Variants in OGDHL observed in about 807,000 individuals in gnomAD.
The protein encoded by OGDHL is oxoglutarate dehydrogenase L.
OGDHL carries 79 observed loss-of-function variants against 109.6 expected under a neutral mutation model. The ratio of observed to expected loss-of-function variants is 0.72; its 90% CI spans 0.60 to 0.87. OGDHL has a LOEUF of 0.87. OGDHL is among the 40% of genes least tolerant of loss of function. The pLI is 0.00. For synonymous variants in OGDHL, 528 were observed against 537.2 expected (o/e 0.98, Z 0.24); for missense variants, 1,275 against 1,362.2 (o/e 0.94, Z 1.01).
At chr10:49,738,163 C>T (rs766758589) in intron 18 of OGDHL, 28 bp downstream of exon 18, 10 of 1,614,156 alleles carry the variant, frequency 6.2e-6, no homozygotes, top group Non-Finnish European at 8.5e-6. Context: ...GGGCGCGTCC[C>T]TGTCCTGGGG....
intron 20 of OGDHL, among the ~76,000 whole-genome samples, chr10:49,737,216 C>T (rs577205277): frequency 1.3e-5 from 2 of 152,252 alleles, no homozygotes; most frequent in East Asian, 1.9e-4. Context: ...GACATCCAAA[C>T]ACACATGGGA....
intron 1 of OGDHL, among the ~76,000 whole-genome samples, chr10:49,761,614 G>C (rs978767139): frequency 6.6e-6 from 1 of 152,194 alleles, no homozygotes. Flanking sequence ...CCAGGTGGCC[G>C]AGGGGCGTCA....
intron 13 of OGDHL, 70 bp downstream of exon 13, chr10:49,744,580 C>A: frequency 8.1e-7 from 1 of 1,239,828 alleles, no homozygotes; most frequent in South Asian, 1.2e-5. Context: ...CAGGGCCATT[C>A]CAGTCCTGAT....
chr10:49,752,277 G>T, intron 4 of OGDHL, 29 bp from the exon 5 acceptor site: 1 of 1,575,578 alleles, frequency 6.3e-7, no homozygotes, highest in Non-Finnish European at 8.7e-7. Flanking sequence ...CCGAGCCCCG[G>T]GCAGCAAAGT....
intron 7 of OGDHL, among the ~76,000 whole-genome samples, chr10:49,750,313 T>G (rs953372264): frequency 2.6e-4 from 39 of 152,178 alleles, no homozygotes; most frequent in African/African-American, 9.4e-4. Flanking sequence ...TTCCCCCTCC[T>G]GCTTCCCCAC....
chr10:49,736,159 C>G lies in OGDHL; in HGVS notation c.2773G>C (p.Asp925His), dbSNP rs757470245. 1 of 1,600,738 alleles carries G rather than the reference C, an allele frequency of 6.2e-7. No homozygotes were observed. The highest frequency in any genetic ancestry group is 8.5e-7 in the Non-Finnish European group (1 of 1,173,614). ...RLEQISPFPFDLIKQEAEKYP... is the reference protein window; with the variant it reads ...RLEQISPFPFHLIKQEAEKYP... ...TTCTCTGCCTCCTGCTTGATCAGGT[C>G]GAAGGGGAATGGAGAGATCTGGGGA... The change falls in exon 22 of 23, where the codon GAC (aspartate) becomes CAC (histidine). Residue 925 changes from aspartate to histidine, a missense_variant. Transcript: ENST00000374103.
At position 49,758,494 on chromosome 10, in the gene OGDHL, G is replaced by A; in HGVS notation, c.99C>T (p.Ser33=). Residue 33 remains serine (S), a synonymous_variant, in exon 2 of 23, where the codon TCC becomes TCT. Coordinates refer to ENST00000374103, the MANE Select transcript of OGDHL (RefSeq NM_018245.3). ...DVPVFGWRSR[S]SGPPATFPSS... The stretch of plus-strand genomic sequence containing the variant: ...TTGGGAAGGTGGCCGGTGGCCCGGA[G>A]GACCTGCTGCGCCAGCCAAACACCG... 6.2e-7 allele frequency: 1 copy of A among 1,613,908 alleles called. No homozygotes were observed. The highest frequency in any genetic ancestry group is 8.5e-7 in the Non-Finnish European group (1 of 1,180,044).
chr10:49,746,915 C>T (rs374810816), intron 9 of OGDHL, 37 bp from the exon 10 acceptor site: 5 of 1,613,290 alleles, frequency 3.1e-6, no homozygotes, highest in African/African-American at 1.3e-5. Flanking sequence ...GGCTGCGTGC[C>T]CCAGCCCATG....
intron 8 of OGDHL, among the ~76,000 whole-genome samples, chr10:49,748,344 G>C (rs1407280737): frequency 6.6e-6 from 1 of 152,208 alleles, no homozygotes; most frequent in Non-Finnish European, 1.5e-5. Flanking sequence ...TAGAAATAAG[G>C]TTGCACTGGA....
chr10:49,742,805 A>C (rs1341776224), intron 15 of OGDHL, 23 bp downstream of exon 15: 1 of 1,605,392 alleles, frequency 6.2e-7, no homozygotes, highest in East Asian at 2.2e-5. Flanking sequence ...TCCTGTGCGG[A>C]TGCTGAGCCC....
At position 49,747,205 on chromosome 10, in the gene OGDHL, A is replaced by G. The variant is rs756574447; in HGVS notation, c.991T>C (p.Ser331Pro). Reference sequence around the variant, plus strand: ...CCCAGGTGGTACTTGACATCCCCGGAGCCCTGAAGGTGGAGATGGGAACAT... The same window carrying G: ...CCCAGGTGGTACTTGACATCCCCGGGGCCCTGAAGGTGGAGATGGGAACAT... Reference protein sequence around the residue: ...DPKLEAADEGSGDVKYHLGMY... With the variant: ...DPKLEAADEGPGDVKYHLGMY... The change falls in exon 9 of 23, where the codon TCC (serine) becomes CCC (proline). Residue 331 changes from serine to proline, a missense_variant. Transcript: ENST00000374103. The G allele has an allele frequency of 1.9e-6, 3 of 1,613,910 alleles. No individual in the cohort carries two copies. Among genetic ancestry groups the G allele is most frequent in the Non-Finnish European group, 2.5e-6 (3 of 1,179,844 alleles).
At chr10:49,762,205 C>G (rs1843339158) in intron 1 of OGDHL, 34 bp downstream of exon 1, 1 of 152,624 alleles carries the variant, frequency 6.6e-6, no homozygotes, top group African/African-American at 2.4e-5. Flanking sequence ...AGCAGCGGCG[C>G]AGGGACCGGG....
intron 14 of OGDHL, chr10:49,743,563 C>T (rs886821511): frequency 2.9e-5 from 5 of 170,202 alleles, no homozygotes; most frequent in Admixed American, 2.9e-4. Flanking sequence ...TAGTCTCACC[C>T]CGGAGTGGGG....
At chr10:49,746,120 GAGC>G in intron 10 of OGDHL, 143 bp from the exon 11 acceptor site, 2 of 893,518 alleles carry the variant, frequency 2.2e-6, no homozygotes, top group Non-Finnish European at 3.3e-6. Flanking sequence ...GGGTGATGGT[GAGC>G]AGCCCCACAA....
intron 11 of OGDHL, 91 bp downstream of exon 11, chr10:49,745,707 C>G: frequency 6.8e-7 from 1 of 1,465,772 alleles, no homozygotes. Flanking sequence ...CACTCCCAGC[C>G]CTGAGTGCTG....
chr10:49,756,150 G>A (rs534316040), intron 3 of OGDHL, among the ~76,000 whole-genome samples: 21 of 152,310 alleles, frequency 1.4e-4, no homozygotes, highest in African/African-American at 2.9e-4. Context: ...TTTCCCTGAC[G>A]GAATACCTCC....
intron 15 of OGDHL, among the ~76,000 whole-genome samples, chr10:49,741,951 C>T (rs1252042043): frequency 7.9e-6 from 1 of 127,092 alleles, no homozygotes; most frequent in Non-Finnish European, 1.8e-5. Flanking sequence ...CAATCACACA[C>T]ACCACACACA....
intron 6 of OGDHL, among the ~76,000 whole-genome samples, chr10:49,751,223 TA>T (rs756418293): frequency 6.6e-6 from 1 of 152,060 alleles, no homozygotes; most frequent in Non-Finnish European, 1.5e-5. Flanking sequence ...CGCCTCTGCC[TA>T]CACCCCTTCC....
chr10:49,736,271 T>C, intron 21 of OGDHL, 86 bp downstream of exon 21: 2 of 1,586,166 alleles, frequency 1.3e-6, no homozygotes, highest in Non-Finnish European at 1.7e-6. Flanking sequence ...CCGGCCTTCA[T>C]CTGGCCTGCC....
Sources: allele counts gnomAD v4.1 joint callset (sites outside exome capture counted in the v4.1 genomes callset), GRCh38; gene constraint gnomAD v4.1.1; transcripts MANE v1.5; gene names NCBI Gene and HGNC (gene_info 2026-07-23, HGNC 2026-07-21).